The following CDH13 variants were observed in gnomAD, a reference collection of about 807,000 sequenced individuals.
CDH13 encodes the protein cadherin 13, also known as cadherin-13.
In CDH13, 24 loss-of-function variants were observed where a neutral mutation model predicts 63.8. The observed-to-expected ratio is 0.38, with a 90% CI of 0.27 to 0.53. CDH13 has a LOEUF of 0.53. CDH13 is among the 20% of genes least tolerant of loss of function. The pLI is 0.85. For missense variants in CDH13, 1,049 were observed against 903.1 expected (o/e 1.16, Z -2.07); for synonymous variants, 503 against 355.3 (o/e 1.42, Z -4.67).
At chr16:82,850,308 A>G (rs1224133074) in intron 1 of CDH13, among the ~76,000 whole-genome samples, 1 of 152,236 alleles carries the variant, frequency 6.6e-6, no homozygotes, top group Admixed American at 6.5e-5. Context: ...GAGAGGTTCA[A>G]GACTTCAGTG....
intron 7 of CDH13, among the ~76,000 whole-genome samples, chr16:83,591,448 G>A (rs1446706641): frequency 6.6e-6 from 1 of 152,194 alleles, no homozygotes; most frequent in African/African-American, 2.4e-5. Flanking sequence ...GTGCTCCTGG[G>A]ATTCACTCTG....
chr16:83,673,894 G>C (rs1039471413), intron 9 of CDH13, among the ~76,000 whole-genome samples: 1 of 152,212 alleles, frequency 6.6e-6, no homozygotes, highest in Non-Finnish European at 1.5e-5. Flanking sequence ...GGTGCCCACA[G>C]AGGCTGATGC....
chr16:83,134,426 G>T (rs2036185661), intron 4 of CDH13, among the ~76,000 whole-genome samples: 1 of 151,974 alleles, frequency 6.6e-6, no homozygotes, highest in Non-Finnish European at 1.5e-5. Context: ...CTGACCTCAG[G>T]TGATCCACCT....
intron 5 of CDH13, among the ~76,000 whole-genome samples, chr16:83,223,754 C>G (rs2151795711): frequency 6.6e-6 from 1 of 152,328 alleles, no homozygotes; most frequent in Middle Eastern, 3.4e-3. Flanking sequence ...TTTAGTTTTT[C>G]CAGCTCCCTG....
At chr16:83,494,821 C>T (rs906438774) in intron 7 of CDH13, among the ~76,000 whole-genome samples, 5 of 152,128 alleles carry the variant, frequency 3.3e-5, no homozygotes, top group African/African-American at 1.2e-4. Flanking sequence ...ATTTGCTGTG[C>T]CTTTTCATAG....
intron 4 of CDH13, among the ~76,000 whole-genome samples, chr16:83,145,025 G>C (rs911403067): frequency 1.8e-4 from 28 of 151,866 alleles, no homozygotes; most frequent in African/African-American, 6.5e-4. Context: ...GAGACGCCGT[G>C]GCTATGTTGC....
At position 83,798,359 on chromosome 16, in the gene CDH13, G is replaced by T. The variant is rs551656876; in HGVS notation, c.*3329G>T. 6.6e-6 allele frequency: 1 copy of T among 152,180 alleles called. No homozygotes were observed. Among genetic ancestry groups the T allele is most frequent in the African/African-American group, 2.4e-5 (1 of 41,438 alleles). The allele number at this position is 152,180 out of a possible 1,614,324, so 9.4% of individuals were successfully genotyped here. ...AAGGAGTCTACAATTTTCCTAGGGG[G>T]TGTATGAACATGGTACCAAAAAGGT... On this transcript the variant is annotated 3_prime_UTR_variant, in exon 14 of 14. Transcript: ENST00000567109.
At chr16:83,541,077 C>G (rs1448856129) in intron 7 of CDH13, among the ~76,000 whole-genome samples, 1 of 152,032 alleles carries the variant, frequency 6.6e-6, no homozygotes, top group Non-Finnish European at 1.5e-5. Flanking sequence ...CCGCTCAATC[C>G]CCAGGTCATA....
chr16:82,912,658 G>A (rs988224510), intron 2 of CDH13, among the ~76,000 whole-genome samples: 2 of 152,172 alleles, frequency 1.3e-5, no homozygotes, highest in African/African-American at 4.8e-5. Flanking sequence ...AGAGAGTGGT[G>A]ACTCGCCGGG....
chr16:83,032,050 T>G lies in CDH13; in HGVS notation c.198T>G (p.Tyr66Ter), dbSNP rs753461003. Residue 66 changes from tyrosine (Y) to a stop codon, truncating the protein, a stop_gained, in exon 3 of 14, where the codon TAT (tyrosine) becomes TAG (stop). Coordinates refer to ENST00000567109, the MANE Select transcript of CDH13 (RefSeq NM_001257.5). LOFTEE classifies it high-confidence loss of function. ...SDCKGNDKLR[Y>*]EVSSPYFKVN... ...GTAAGGGAAACGACAAGCTACGCTA[T>G]GAGGTCTCGAGCCCATACTTCAAGG... 6.2e-7 allele frequency: 1 copy of G among 1,607,898 alleles called. No homozygotes were observed. The highest frequency in any genetic ancestry group is 1.3e-5 in the African/African-American group (1 of 74,848).
intron 1 of CDH13, among the ~76,000 whole-genome samples, chr16:82,715,772 T>C (rs1209726832): frequency 6.6e-6 from 1 of 152,130 alleles, no homozygotes; most frequent in African/African-American, 2.4e-5. Flanking sequence ...GCAGCGATGA[T>C]GGGGTTTTTT....
chr16:83,459,959 A>G (rs1299047002), intron 6 of CDH13, among the ~76,000 whole-genome samples: 2 of 152,234 alleles, frequency 1.3e-5, no homozygotes, highest in Non-Finnish European at 2.9e-5. Flanking sequence ...CTTAAAAGAA[A>G]AGGTAGAGAT....
chr16:83,053,194 G>T (rs368896101), intron 3 of CDH13, among the ~76,000 whole-genome samples: 112 of 152,258 alleles, frequency 7.4e-4, no homozygotes, highest in African/African-American at 2.5e-3. Flanking sequence ...CACAGAATAT[G>T]TCTTTATATG....
At chr16:83,049,277 T>C (rs1182857556) in intron 3 of CDH13, among the ~76,000 whole-genome samples, 1 of 151,256 alleles carries the variant, frequency 6.6e-6, no homozygotes, top group Non-Finnish European at 1.5e-5. Context: ...TATTTTTATA[T>C]ATAATATAAA....
chr16:83,120,858 G>A (rs2035538815), intron 3 of CDH13, among the ~76,000 whole-genome samples: 1 of 146,828 alleles, frequency 6.8e-6, no homozygotes, highest in African/African-American at 2.6e-5. Flanking sequence ...CCATCTCCCA[G>A]GTTCAAGTGA....
At chr16:83,035,683 G>T (rs574037187) in intron 3 of CDH13, among the ~76,000 whole-genome samples, 1 of 152,242 alleles carries the variant, frequency 6.6e-6, no homozygotes, top group South Asian at 2.1e-4. Flanking sequence ...TGCATAGTTG[G>T]GAGGGTCTAC....
chr16:83,589,207 G>A (rs1906475840), intron 7 of CDH13, among the ~76,000 whole-genome samples: 1 of 151,626 alleles, frequency 6.6e-6, no homozygotes, highest in African/African-American at 2.4e-5. Context: ...ACAGTGTAAT[G>A]TCTCTCCTCG....
chr16:82,712,505 C>G (rs1384751032), intron 1 of CDH13, among the ~76,000 whole-genome samples: 5 of 152,234 alleles, frequency 3.3e-5, no homozygotes, highest in Admixed American at 1.3e-4. Context: ...CTTCATTTTT[C>G]TCTTACCACG....
At chr16:83,245,891 C>T (rs1904943506) in intron 5 of CDH13, among the ~76,000 whole-genome samples, 1 of 152,072 alleles carries the variant, frequency 6.6e-6, no homozygotes, top group Admixed American at 6.6e-5. Context: ...TACAGGCACG[C>T]ACCACCATAC....
Sources: allele counts gnomAD v4.1 joint callset (sites outside exome capture counted in the v4.1 genomes callset), GRCh38; gene constraint gnomAD v4.1.1; transcripts MANE v1.5; gene names NCBI Gene and HGNC (gene_info 2026-07-23, HGNC 2026-07-21).